CTDSPL: variants seen among roughly 807,000 people sequenced by gnomAD.
CTDSPL encodes the protein CTD small phosphatase like.
Under a neutral mutation model 30.5 loss-of-function variants are expected in CTDSPL, and 8 were observed. That is an observed-to-expected ratio of 0.26 (90% CI 0.15 to 0.47). The LOEUF (loss-of-function observed/expected upper bound fraction) is 0.47. CTDSPL is among the 20% of genes least tolerant of loss of function. The probability of loss-of-function intolerance (pLI) is 0.99; values close to 1 mark genes in which losing one functional copy is unlikely to be tolerated. For synonymous variants in CTDSPL, 110 were observed against 137.9 expected, an observed-to-expected ratio of 0.80 and a Z score of 1.42; for missense variants, 248 against 366.1, an observed-to-expected ratio of 0.68 and a Z score of 2.63.
At position 37,882,335 on chromosome 3, in the gene CTDSPL, G is replaced by A. The variant is rs189253936; in HGVS notation, c.79+20057G>A. Among the ~76,000 whole-genome samples the A allele has an allele frequency of 5.2e-3, 790 of 151,928 alleles. 9 individuals carry two copies. The highest frequency in any genetic ancestry group is 0.018 in the African/African-American group (750 of 41,386). On this transcript the variant is annotated intron_variant, in intron 1 of 7. Coordinates refer to ENST00000273179, the MANE Select transcript of CTDSPL (RefSeq NM_001008392.2). ...CTGGTGCCTATAGTCCCAGCTACTC[G>A]GGAGGCTGAGGCAGGAGAATGGCAT...
At chr3:37,940,350 A>G (rs1698964050) in intron 1 of CTDSPL, among the ~76,000 whole-genome samples, 1 of 150,452 alleles carries the variant, frequency 6.6e-6, no homozygotes. Flanking sequence ...TCCATTTCAA[A>G]TCACATAAAC....
At chr3:37,897,851 T>C (rs1234005239) in intron 1 of CTDSPL, among the ~76,000 whole-genome samples, 1 of 152,192 alleles carries the variant, frequency 6.6e-6, no homozygotes, top group African/African-American at 2.4e-5. Context: ...CTGCCATTAG[T>C]AAGTTTGCCA....
At position 37,964,663 on chromosome 3, in the gene CTDSPL, T is replaced by C; in HGVS notation, c.360T>C (p.Ser120=). ...ATTTAGATGAAACATTGGTGCACAG[T>C]TCGTTTAAGGTAAATCAACATAAAA... ...VIDLDETLVH[S]SFKPISNADF... is the part of the protein sequence containing the mutation. Residue 120 remains serine, a synonymous_variant, in exon 4 of 8, where the codon AGT becomes AGC. Transcript: ENST00000273179. 1 of 1,611,834 alleles carries C rather than the reference T, an allele frequency of 6.2e-7. No homozygotes were observed.
At chr3:37,924,543 C>T (rs984755369) in intron 1 of CTDSPL, among the ~76,000 whole-genome samples, 4 of 152,208 alleles carry the variant, frequency 2.6e-5, no homozygotes, top group Admixed American at 1.3e-4. Flanking sequence ...CCATATTGAT[C>T]TTCCTTCCTC....
intron 1 of CTDSPL, among the ~76,000 whole-genome samples, chr3:37,891,619 GT>G (rs1399775776): frequency 6.6e-6 from 1 of 152,190 alleles, no homozygotes; most frequent in East Asian, 1.9e-4. Context: ...CATTTAACCT[GT>G]TAATGGAAGC....
At chr3:37,969,594 G>A (rs1699342343) in intron 5 of CTDSPL, 1 of 351,470 alleles carries the variant, frequency 2.8e-6, no homozygotes, top group South Asian at 2.1e-5. Context: ...TGCTTTCCAA[G>A]CAGGACTCCC....
At chr3:37,972,599 G>T (rs951156610) in intron 6 of CTDSPL, among the ~76,000 whole-genome samples, 1 of 152,206 alleles carries the variant, frequency 6.6e-6, no homozygotes, top group Non-Finnish European at 1.5e-5. Flanking sequence ...TGATCAAATA[G>T]AATGGTTTCT....
intron 1 of CTDSPL, among the ~76,000 whole-genome samples, chr3:37,885,288 C>T (rs1040599190): frequency 2.0e-5 from 3 of 151,988 alleles, no homozygotes. Context: ...TTCTGGGCAA[C>T]CTGGAGTTTA....
chr3:37,978,060 T>C (rs1354316633), intron 7 of CTDSPL, among the ~76,000 whole-genome samples: 1 of 152,258 alleles, frequency 6.6e-6, no homozygotes, highest in Admixed American at 6.5e-5. Context: ...AATTCTCCCA[T>C]GAACCTTTCA....
intron 5 of CTDSPL, chr3:37,969,412 G>A (rs370719000): frequency 1.9e-4 from 102 of 530,806 alleles, no homozygotes; most frequent in South Asian, 8.1e-4. Context: ...CCGTGGCCTC[G>A]TTCAAGTAAT....
chr3:37,967,799 A>G (rs973808775), intron 4 of CTDSPL, 27 bp from the exon 5 acceptor site: 12 of 1,519,614 alleles, frequency 7.9e-6, no homozygotes, highest in Admixed American at 2.0e-5. Context: ...CTTCAGACAT[A>G]TTAATTATAG....
rs201034767 is a variant in CTDSPL at position 37,975,726 on chromosome 3, T to G, written c.537T>G (p.Ala179=). The G allele has an allele frequency of 4.3e-6, 7 of 1,613,830 alleles. No homozygotes were observed. In the African/African-American group the frequency reaches 8.0e-5, roughly 18 times the overall value. ...ASLAKYADPV[A]DLLDRWGVFR... ...TTTTCCAGTATGCAGACCCTGTGGC[T>G]GACCTCCTAGACCGCTGGGGTGTGT... The change falls in exon 7 of 8, where the codon GCT becomes GCG. Residue 179 remains alanine, a synonymous_variant. Coordinates refer to ENST00000273179, the MANE Select transcript of CTDSPL (RefSeq NM_001008392.2). The surrounding 1 kb of genome is among the most constrained non-coding windows in gnomAD (Gnocchi z 4.9).
chr3:37,871,015 T>C (rs971304533), intron 1 of CTDSPL, among the ~76,000 whole-genome samples: 2 of 152,180 alleles, frequency 1.3e-5, no homozygotes, highest in Non-Finnish European at 2.9e-5. Flanking sequence ...TTATATTCTA[T>C]GAGTTTGTAC....
At chr3:37,961,462 T>C (rs1559645482) in intron 3 of CTDSPL, among the ~76,000 whole-genome samples, 1 of 152,120 alleles carries the variant, frequency 6.6e-6, no homozygotes, top group Non-Finnish European at 1.5e-5. Context: ...ACCGATCCCA[T>C]ACTTTTGCTT....
chr3:37,955,090 C>G (rs1372695630), intron 2 of CTDSPL: 1 of 152,262 alleles, frequency 6.6e-6, no homozygotes, highest in Non-Finnish European at 1.5e-5. Flanking sequence ...GCTGTCTGCA[C>G]TCTCCTACTA....
chr3:37,962,815 T>G (rs1285692579), intron 3 of CTDSPL, among the ~76,000 whole-genome samples: 3 of 152,236 alleles, frequency 2.0e-5, no homozygotes, highest in African/African-American at 7.2e-5. Context: ...CTATAATCTT[T>G]ACAATGAGAA....
intron 1 of CTDSPL, among the ~76,000 whole-genome samples, chr3:37,934,620 A>G (rs1698893930): frequency 6.6e-6 from 1 of 152,226 alleles, no homozygotes; most frequent in South Asian, 2.1e-4. Context: ...CATCTTTGCT[A>G]AAAGTAGCAG....
intron 1 of CTDSPL, among the ~76,000 whole-genome samples, chr3:37,864,799 GT>G (rs574719971): frequency 3.9e-4 from 59 of 151,696 alleles, no homozygotes; most frequent in African/African-American, 1.2e-3. Flanking sequence ...TAATTATTTT[GT>G]TTTAAAAATA....
chr3:37,887,887 C>T (rs1698280769), intron 1 of CTDSPL, among the ~76,000 whole-genome samples: 1 of 152,186 alleles, frequency 6.6e-6, no homozygotes, highest in Admixed American at 6.5e-5. Flanking sequence ...TTTAAAAATG[C>T]TAGGTATTTC....
Sources: gnomAD v4.1 joint callset for allele counts (sites outside exome capture counted in the v4.1 genomes callset) on GRCh38, gnomAD v4.1.1 for gene constraint, Gnocchi (gnomAD v3.1) non-coding constraint, MANE v1.5 for transcripts, NCBI Gene and HGNC (gene_info 2026-07-23, HGNC 2026-07-21) for gene names.